MAGI2: variants seen among roughly 807,000 people sequenced by gnomAD.
MAGI2 encodes the protein membrane-associated guanylate kinase, WW and PDZ domain-containing protein 2.
In MAGI2, 35 loss-of-function variants were observed where a neutral mutation model predicts 133.3. The observed-to-expected ratio is 0.26, with a 90% CI of 0.20 to 0.35. The LOEUF (loss-of-function observed/expected upper bound fraction) is 0.35, where lower values mean the gene tolerates loss of function less well. Ranked by LOEUF, MAGI2 falls within the 10% of genes least tolerant of loss-of-function variation. The pLI is 1.00. For synonymous variants in MAGI2, 729 were observed against 710.6 expected (o/e 1.03, Z -0.41); for missense variants, 1,636 against 1,863.4 (o/e 0.88, Z 2.25).
chr7:78,258,347 A>T (rs1232486771), intron 9 of MAGI2, among the ~76,000 whole-genome samples: 1 of 152,128 alleles, frequency 6.6e-6, no homozygotes, highest in African/African-American at 2.4e-5. Context: ...ATTCAGATAG[A>T]CTATTTTTCT....
Position 78,019,359 on chromosome 7 carries a change from G to C in MAGI2, c.4324C>G (p.Leu1442Val), listed in dbSNP as rs777963775. The C allele has an allele frequency of 8.7e-6, 13 of 1,497,106 alleles. No individual in the cohort carries two copies. The highest frequency in any genetic ancestry group is 1.1e-5 in the Non-Finnish European group (13 of 1,131,526). The allele number at this position is 1,497,106 out of a possible 1,614,324, so 92.7% of individuals were successfully genotyped here. ...GPWKVPGSDK[L>V]PSVLKPGASA... ...GCGCCGGGTTTGAGGACGCTGGGCAGCTTGTCAGAACCCGGCACCTTCCAG... is the reference window on the plus strand; with the variant it reads ...GCGCCGGGTTTGAGGACGCTGGGCACCTTGTCAGAACCCGGCACCTTCCAG... The change falls in exon 22 of 22, where the codon CTG becomes GTG. Residue 1442 changes from leucine (L) to valine (V), a missense_variant. Leu to Val is a conservative substitution (Grantham distance 32, BLOSUM62 1). Around this residue, in one of 5 missense-constraint regions of MAGI2, gnomAD observed 354 missense variants for 298.7 expected, o/e 1.19. Transcript: ENST00000354212.
intron 9 of MAGI2, among the ~76,000 whole-genome samples, chr7:78,275,421 T>A (rs10485878): frequency 0.19 from 29,552 of 152,160 alleles, 3,302 homozygotes; most frequent in South Asian, 0.31. Flanking sequence ...ATACTTTATC[T>A]TGACATAACA....
intron 1 of MAGI2, among the ~76,000 whole-genome samples, chr7:79,149,150 T>G (rs944347714): frequency 2.1e-5 from 3 of 145,158 alleles, no homozygotes; most frequent in Non-Finnish European, 4.5e-5. Context: ...CCTAAAATTA[T>G]ATATATATAT....
At chr7:78,581,348 T>C (rs1802816570) in intron 3 of MAGI2, among the ~76,000 whole-genome samples, 1 of 152,202 alleles carries the variant, frequency 6.6e-6, no homozygotes, top group South Asian at 2.1e-4. Flanking sequence ...ATTTTATACA[T>C]ATACATATGC....
intron 2 of MAGI2, among the ~76,000 whole-genome samples, chr7:78,781,162 A>C (rs561577071): frequency 6.6e-6 from 1 of 152,148 alleles, no homozygotes; most frequent in Non-Finnish European, 1.5e-5. Flanking sequence ...GCAGATCACG[A>C]GGTCAGGAGA....
chr7:78,977,467 GAA>G (rs1804371507), intron 2 of MAGI2, among the ~76,000 whole-genome samples: 3 of 180 alleles, frequency 0.017, no homozygotes, highest in African/African-American at 0.043. Context: ...TACAAAGAAA[GAA>G]AGAAAGAAAG....
intron 1 of MAGI2, among the ~76,000 whole-genome samples, chr7:79,226,315 G>C (rs1830851122): frequency 6.6e-6 from 1 of 152,076 alleles, no homozygotes; most frequent in Admixed American, 6.6e-5. Context: ...CCATTTTAGA[G>C]TGGTGTCTGG....
At chr7:79,278,869 A>G (rs993522121) in intron 1 of MAGI2, among the ~76,000 whole-genome samples, 10 of 152,290 alleles carry the variant, frequency 6.6e-5, no homozygotes, top group African/African-American at 2.4e-4. Context: ...CATCTGTAAA[A>G]TAAAGGTAGC....
At chr7:78,894,128 G>T (rs140661940) in intron 2 of MAGI2, among the ~76,000 whole-genome samples, 1 of 152,190 alleles carries the variant, frequency 6.6e-6, no homozygotes, top group South Asian at 2.1e-4. Flanking sequence ...TTGGCCGGGC[G>T]CTGTGGCTCA....
intron 9 of MAGI2, among the ~76,000 whole-genome samples, chr7:78,307,662 G>C (rs915513681): frequency 8.5e-5 from 13 of 152,146 alleles, no homozygotes; most frequent in Middle Eastern, 3.2e-3. Flanking sequence ...TTTCATTTCA[G>C]ACATAGGATT....
intron 1 of MAGI2, among the ~76,000 whole-genome samples, chr7:79,272,167 A>C (rs924800408): frequency 6.6e-6 from 1 of 152,144 alleles, no homozygotes; most frequent in South Asian, 2.1e-4. Context: ...AACACCAAGA[A>C]ATAACACTGG....
At chr7:79,204,137 T>C (rs563488152) in intron 1 of MAGI2, among the ~76,000 whole-genome samples, 6 of 152,176 alleles carry the variant, frequency 3.9e-5, no homozygotes, top group African/African-American at 1.4e-4. Flanking sequence ...GATACTAACA[T>C]TGGGCCCACC....
At chr7:79,325,783 G>A (rs952267818) in intron 1 of MAGI2, among the ~76,000 whole-genome samples, 5 of 152,242 alleles carry the variant, frequency 3.3e-5, no homozygotes, top group South Asian at 2.1e-4. Flanking sequence ...CTCCAAATAC[G>A]CATTCACAAG....
chr7:78,160,900 A>G (rs1341397732), intron 15 of MAGI2, among the ~76,000 whole-genome samples: 3 of 152,254 alleles, frequency 2.0e-5, no homozygotes, highest in Non-Finnish European at 4.4e-5. Context: ...CTGCTAGCCT[A>G]GAAGTATTGA....
intron 1 of MAGI2, among the ~76,000 whole-genome samples, chr7:79,394,950 C>T (rs529687735): frequency 7.2e-5 from 11 of 152,218 alleles, no homozygotes; most frequent in African/African-American, 2.4e-4. Context: ...GAACAATTTA[C>T]GCCTTTAGAT....
chr7:78,668,533 T>C (rs1457222263), intron 2 of MAGI2, among the ~76,000 whole-genome samples: 29 of 151,392 alleles, frequency 1.9e-4, no homozygotes, highest in African/African-American at 4.6e-4. Flanking sequence ...TTAGGTCTAA[T>C]GTTTAAGTCT....
intron 1 of MAGI2, among the ~76,000 whole-genome samples, chr7:79,051,973 C>T (rs2116995857): frequency 6.6e-6 from 1 of 152,172 alleles, no homozygotes; most frequent in South Asian, 2.1e-4. Flanking sequence ...TTGGAAAACT[C>T]ATAAGCTGTA....
chr7:79,376,099 C>G (rs1222150619), intron 1 of MAGI2, among the ~76,000 whole-genome samples: 4 of 151,688 alleles, frequency 2.6e-5, no homozygotes, highest in Non-Finnish European at 4.4e-5. Context: ...GCAACCTACC[C>G]GTGAATTAAT....
At chr7:78,792,775 C>T (rs1274794959) in intron 2 of MAGI2, among the ~76,000 whole-genome samples, 2 of 152,110 alleles carry the variant, frequency 1.3e-5, no homozygotes, top group Non-Finnish European at 2.9e-5. Context: ...ATAAAAAATA[C>T]ATCAACCCAA....
Sources: allele counts gnomAD v4.1 joint callset (sites outside exome capture counted in the v4.1 genomes callset), GRCh38; gene constraint gnomAD v4.1.1; regional missense constraint gnomAD v4.1.1; transcripts MANE v1.5; gene names NCBI Gene and HGNC (gene_info 2026-07-23, HGNC 2026-07-21).